The following APOB variants were observed in gnomAD, a reference collection of about 807,000 sequenced individuals.
APOB encodes apolipoprotein B.
A neutral mutation model predicts 314.1 loss-of-function variants in APOB; 153 were observed. The ratio of observed to expected loss-of-function variants is 0.49; its 90% CI spans 0.43 to 0.56. APOB has a LOEUF of 0.56. Among genes scored for constraint, APOB ranks in the 20% least tolerant of loss-of-function variants. APOB has a pLI of 0.00. For missense variants in APOB, 5,430 were observed against 5,350.7 expected, an observed-to-expected ratio of 1.01 and a Z score of -0.46; for synonymous variants, 2,087 against 2,036.4, an observed-to-expected ratio of 1.02 and a Z score of -0.67.
At position 21,024,948 on chromosome 2, in the gene APOB, C is replaced by T. The variant is rs767226988; in HGVS notation, c.2421G>A (p.Gln807=). 5 of 1,613,962 alleles carry T rather than the reference C, an allele frequency of 3.1e-6. No homozygotes were observed. Among genetic ancestry groups the T allele is most frequent in the South Asian group, 1.1e-5 (1 of 91,080 alleles). ...GCTGACTTACCATCTGGGGGATCCC[C>T]TGCAGAGTGCGGGCACCCATCAGAA... ...KLLLMGARTL[Q]GIPQMIGEVI... Residue 807 remains glutamine, a synonymous_variant, in exon 16 of 29, where the codon CAG becomes CAA. Transcript: ENST00000233242.
In APOB at chr2:21,006,953, T is replaced by TGGC; in HGVS notation, c.9912_9914dup (p.Pro3305dup). 6.2e-7 allele frequency: 1 copy of TGGC among 1,614,052 alleles called. No homozygotes were observed. Among genetic ancestry groups the TGGC allele is most frequent in the Non-Finnish European group, 8.5e-7 (1 of 1,179,944 alleles). Reference sequence around the variant, plus strand: ...TGAGATTTCTAGGGACATGAAGGACTGGCAGCTCTAATGATGGCAGGATTA... The same window carrying TGGC: ...TGAGATTTCTAGGGACATGAAGGACTGGCGGCAGCTCTAATGATGGCAGGATTA... On this transcript the variant is annotated inframe_insertion, in exon 26 of 29. Coordinates refer to ENST00000233242, the MANE Select transcript of APOB (RefSeq NM_000384.3).
At position 21,011,880 on chromosome 2, in the gene APOB, C is replaced by A; in HGVS notation, c.4988G>T (p.Ser1663Ile). ...STSATTNLKC[S>I]LLVLENELNA... Reference sequence around the variant, plus strand: ...CAGCTCATTCTCCAGCACCAGGAGACTACACTTCAAGTTGGTCGTTGCACT... The same window carrying A: ...CAGCTCATTCTCCAGCACCAGGAGAATACACTTCAAGTTGGTCGTTGCACT... The change falls in exon 26 of 29, where the codon AGT becomes ATT. Residue 1663 changes from serine to isoleucine, a missense_variant. Ser to Ile is a moderately radical substitution (Grantham distance 142). This residue lies in a region of APOB where 2,085 missense variants were observed against 2,079.7 expected (regional missense o/e 1.00). Transcript: ENST00000233242. 6.2e-7 allele frequency: 1 copy of A among 1,613,972 alleles called. No homozygotes were observed. The highest frequency in any genetic ancestry group is 8.5e-7 in the Non-Finnish European group (1 of 1,180,002).
chr2:21,036,955 C>T, intron 6 of APOB, 145 bp downstream of exon 6: 2 of 1,032,404 alleles, frequency 1.9e-6, no homozygotes, highest in Non-Finnish European at 2.9e-6. Context: ...CCTTCCCGTG[C>T]CTGCTCAGGG....
chr2:21,002,027 CT>C lies in APOB; in HGVS notation c.13394del (p.Lys4465ArgfsTer12). On this transcript the variant is annotated frameshift_variant, in exon 29 of 29. Coordinates refer to ENST00000233242, the MANE Select transcript of APOB (RefSeq NM_000384.3). LOFTEE classifies it high-confidence loss of function. ...GAGCAGTGGCAGAAAGCTCTGCAAT[CT>C]TCTCTTTCCCTTTTCCATCTGGATC... ...LTDPDGKGKEKIAELSATAQE... is the reference protein window; with the variant it reads ...LTDPDGKGKEXIAELSATAQE... 3 of 1,614,012 alleles carry C rather than the reference CT, an allele frequency of 1.9e-6. No homozygotes were observed. Among genetic ancestry groups the C allele is most frequent in the East Asian group, 4.5e-5 (2 of 44,864 alleles).
chr2:21,003,683 A>T (rs1198414345), intron 28 of APOB, among the ~76,000 whole-genome samples: 1 of 152,186 alleles, frequency 6.6e-6, no homozygotes, highest in Non-Finnish European at 1.5e-5. Context: ...GAAATGACAG[A>T]TAGGAAAAGA....
chr2:21,003,378 C>T (rs778960466), intron 28 of APOB, 44 bp from the exon 29 acceptor site: 1 of 1,516,378 alleles, frequency 6.6e-7, no homozygotes, highest in South Asian at 1.1e-5. Context: ...TCAATTACTC[C>T]AATTACACAA....
At chr2:21,043,744 C>A (rs906492006) in intron 1 of APOB, 120 bp downstream of exon 1, 4 of 1,510,310 alleles carry the variant, frequency 2.6e-6, no homozygotes, top group South Asian at 1.3e-5. Context: ...CCAATCCCCC[C>A]ACTCGCCCTG....
At position 21,034,846 on chromosome 2, in the gene APOB, G is replaced by A. The variant is rs1047910426; in HGVS notation, c.874C>T (p.Pro292Ser). 8 of 1,605,798 alleles carry A rather than the reference G, an allele frequency of 5.0e-6. No homozygotes were observed. The highest frequency in any genetic ancestry group is 6.8e-6 in the Non-Finnish European group (8 of 1,172,410). ...CCAAAGAAGCGGCTGTTGATCTTTG[G>A]TGTGTCTTCAAGTTTCAAAGTCTGT... ...VTQTLKLEDT[P>S]KINSRFFGEG... is the part of the protein sequence containing the mutation. Residue 292 changes from proline to serine, a missense_variant, in exon 8 of 29, where the codon CCA becomes TCA. This residue lies in a region of APOB where 2,085 missense variants were observed against 2,079.7 expected (regional missense o/e 1.00). Transcript: ENST00000233242.
At chr2:21,014,397 C>T (rs756428756) in intron 24 of APOB, 51 bp downstream of exon 24, 2 of 1,602,868 alleles carry the variant, frequency 1.2e-6, no homozygotes, top group East Asian at 4.5e-5. Flanking sequence ...TATGTAAAAT[C>T]TTTCATTTAC....
intron 18 of APOB, among the ~76,000 whole-genome samples, chr2:21,020,896 ACTT>A (rs778582663): frequency 2.0e-5 from 3 of 151,972 alleles, no homozygotes; most frequent in East Asian, 3.9e-4. Flanking sequence ...TTCTCTGGTC[ACTT>A]CTTCTAACTC....
chr2:21,041,123 A>T, intron 3 of APOB, 40 bp from the exon 4 acceptor site: 7 of 1,600,678 alleles, frequency 4.4e-6, no homozygotes, highest in Non-Finnish European at 6.0e-6. Flanking sequence ...GTTGTCTATC[A>T]AGAATGAGAG....
rs747215447 is a variant in APOB, at chr2:21,006,514, G to A, written c.10354C>T (p.Pro3452Ser). 2 of 1,614,008 alleles carry A rather than the reference G, an allele frequency of 1.2e-6. No individual in the cohort carries two copies. The highest frequency in any genetic ancestry group is 1.7e-5 in the Admixed American group (1 of 60,000). The change falls in exon 26 of 29, where the codon CCT becomes TCT. Residue 3452 changes from proline to serine, a missense_variant. Around this residue, in one of 3 missense-constraint regions of APOB, gnomAD observed 3,281 missense variants for 3,171.0 expected, o/e 1.03. Transcript: ENST00000233242. ...AATTCCATGGAGGAAGAGACAGTAG[G>A]TTTTGACTTGGTATTTCCATTAAGT... ...QELNGNTKSK[P>S]TVSSSMEFKY...
intron 17 of APOB, 147 bp from the exon 18 acceptor site, chr2:21,023,189 G>T: frequency 3.6e-6 from 3 of 829,234 alleles, no homozygotes; most frequent in Non-Finnish European, 6.0e-6. Flanking sequence ...TTGGAAGAAG[G>T]AAAGCGAGTT....
At position 21,005,405 on chromosome 2, in the gene APOB, A is replaced by AAGC; in HGVS notation, c.11462_11463insGCT (p.Thr3821_Val3822insLeu). On this transcript the variant is annotated inframe_insertion, in exon 26 of 29. Transcript: ENST00000233242. ...TTTTTGGAAGCGTGAACTGGGACAC[A>AAGC]GTTAACTGAGATTCAGGCACGGTTA... The AAGC allele has an allele frequency of 6.2e-7, 1 of 1,614,140 alleles. No individual in the cohort carries two copies.
chr2:21,035,813 A>C (rs1327671316), intron 6 of APOB, 105 bp from the exon 7 acceptor site: 1 of 1,147,396 alleles, frequency 8.7e-7, no homozygotes, highest in African/African-American at 1.5e-5. Context: ...ACCACTAGAT[A>C]AACTCAGAGA....
At position 21,007,488 on chromosome 2, in the gene APOB, T is replaced by C; in HGVS notation, c.9380A>G (p.Asn3127Ser). Reference sequence around the variant, plus strand: ...CATTTCAGGAATTGTTAAAGGAATGTTTAAGAAATCCAGATTTGCTTCTCC... The same window carrying C: ...CATTTCAGGAATTGTTAAAGGAATGCTTAAGAAATCCAGATTTGCTTCTCC... ...INGEANLDFL[N>S]IPLTIPEMRL... The change falls in exon 26 of 29, where the codon AAC (asparagine) becomes AGC (serine). Residue 3127 changes from asparagine to serine, a missense_variant. By Grantham distance (46) the Asn-to-Ser change is conservative. This residue lies in a region of APOB where 3,281 missense variants were observed against 3,171.0 expected (regional missense o/e 1.03). Transcript: ENST00000233242. 1 of 1,614,132 alleles carries C rather than the reference T, an allele frequency of 6.2e-7. No homozygotes were observed. The highest frequency in any genetic ancestry group is 8.5e-7 in the Non-Finnish European group (1 of 1,179,974).
Position 21,042,327 on chromosome 2 carries a change from G to A in APOB, c.237+34C>T, listed in dbSNP as rs374470676. On this transcript the variant is annotated intron_variant, in intron 3 of 28. Coordinates refer to ENST00000233242, the MANE Select transcript of APOB (RefSeq NM_000384.3). The stretch of plus-strand genomic sequence containing the variant: ...GGAACAGGGCTGGGGGAAAGCTGTG[G>A]GCTCTAGGTCCCTCCTGCCTGCATC... 1.9e-6 allele frequency: 3 copies of A among 1,544,034 alleles called. No homozygotes were observed. The African/African-American group carries it at 4.1e-5, about 21-fold the overall frequency.
At chr2:21,004,490 G>A (rs1212049438) in intron 27 of APOB, 38 bp from the exon 28 acceptor site, 1 of 1,612,972 alleles carries the variant, frequency 6.2e-7, no homozygotes, top group Admixed American at 1.7e-5. Context: ...CACGAAAGGG[G>A]TATGGAGATG....
chr2:21,005,437 A>T lies in APOB; in HGVS notation c.11431T>A (p.Phe3811Ile). The T allele has an allele frequency of 6.2e-7, 1 of 1,614,156 alleles. No individual in the cohort carries two copies. Among genetic ancestry groups the T allele is most frequent in the Non-Finnish European group, 8.5e-7 (1 of 1,179,982 alleles). The change falls in exon 26 of 29, where the codon TTT becomes ATT. Residue 3811 changes from phenylalanine (F) to isoleucine (I), a missense_variant. Physicochemically the swap from Phe to Ile is conservative, Grantham distance 21. Transcript: ENST00000233242. Reference protein sequence around the residue: ...SQPEDSLIPFFEITVPESQLT... With the variant: ...SQPEDSLIPFIEITVPESQLT... The stretch of plus-strand genomic sequence containing the variant: ...TGAGATTCAGGCACGGTTATCTCAA[A>T]AAAGGGAATCAAGGAGTCTTCTGGT...
Sources: allele counts gnomAD v4.1 joint callset (sites outside exome capture counted in the v4.1 genomes callset), GRCh38; gene constraint gnomAD v4.1.1; regional missense constraint gnomAD v4.1.1; transcripts MANE v1.5; gene names NCBI Gene and HGNC (gene_info 2026-07-23, HGNC 2026-07-21).